Variants in ZW10 observed in about 807,000 individuals in gnomAD.
ZW10 encodes the protein centromere/kinetochore protein zw10 homolog.
ZW10 carries 53 observed loss-of-function variants against 87.8 expected under a neutral mutation model. The ratio of observed to expected loss-of-function variants is 0.60; its 90% confidence interval spans 0.48 to 0.76. The LOEUF is 0.76. Among genes scored for constraint, ZW10 ranks in the 30% least tolerant of loss-of-function variants. The pLI is 0.00. For missense variants in ZW10, 837 were observed against 923.0 expected (o/e 0.91, Z 1.21); for synonymous variants, 312 against 329.2 (o/e 0.95, Z 0.57).
At chr11:113,766,111 C>T (rs1459652179) in intron 2 of ZW10, among the ~76,000 whole-genome samples, 2 of 152,178 alleles carry the variant, frequency 1.3e-5, no homozygotes, top group Non-Finnish European at 2.9e-5. Flanking sequence ...TGACTCAAGC[C>T]TGTAATCCCA....
chr11:113,763,656 GT>G (rs930464402), intron 2 of ZW10, among the ~76,000 whole-genome samples: 8 of 152,160 alleles, frequency 5.3e-5, no homozygotes, highest in African/African-American at 1.7e-4. Context: ...CCGCATAAAT[GT>G]CTTCTTTTGA....
At chr11:113,745,606 T>C (rs932458192) in intron 9 of ZW10, among the ~76,000 whole-genome samples, 2 of 152,190 alleles carry the variant, frequency 1.3e-5, no homozygotes, top group South Asian at 2.1e-4. Flanking sequence ...TTATTTAAAA[T>C]GCTAATCTTT....
chr11:113,759,757 A>T (rs1953837063), intron 5 of ZW10, among the ~76,000 whole-genome samples: 1 of 152,066 alleles, frequency 6.6e-6, no homozygotes, highest in Non-Finnish European at 1.5e-5. Flanking sequence ...CCCCTCCTCT[A>T]CCCACAAGCC....
At chr11:113,747,790 T>C in intron 8 of ZW10, 77 bp from the exon 9 acceptor site, 6 of 1,263,830 alleles carry the variant, frequency 4.7e-6, no homozygotes, top group Non-Finnish European at 6.4e-6. Context: ...AAATCCAATG[T>C]ATAAAAAAAT....
At chr11:113,749,620 A>C (rs563935401) in intron 7 of ZW10, among the ~76,000 whole-genome samples, 2 of 152,366 alleles carry the variant, frequency 1.3e-5, no homozygotes, top group African/African-American at 4.8e-5. Context: ...ACTATACTGC[A>C]CTATATATTA....
chr11:113,738,924 T>C (rs1377398785), intron 12 of ZW10, among the ~76,000 whole-genome samples: 3 of 150,700 alleles, frequency 2.0e-5, no homozygotes, highest in Admixed American at 1.3e-4. Context: ...ATAAATCCTA[T>C]TATGTGAATC....
chr11:113,739,093 T>A, intron 12 of ZW10, 120 bp downstream of exon 12: 1 of 1,118,736 alleles, frequency 8.9e-7, no homozygotes, highest in Non-Finnish European at 1.3e-6. Flanking sequence ...GCCCTCCCAC[T>A]TTCTGATACA....
chr11:113,768,749 G>T, intron 2 of ZW10, 84 bp downstream of exon 2: 1 of 1,431,760 alleles, frequency 7.0e-7, no homozygotes, highest in Non-Finnish European at 9.5e-7. Context: ...GGTTTAAAAA[G>T]TTGTACACAA....
At chr11:113,773,336 C>T (rs1212544111) in intron 1 of ZW10, among the ~76,000 whole-genome samples, 1 of 152,030 alleles carries the variant, frequency 6.6e-6, no homozygotes, top group African/African-American at 2.4e-5. Flanking sequence ...TCCTCGCCTC[C>T]TCAGTTCCCA....
At chr11:113,741,019 G>A (rs1953610671) in intron 11 of ZW10, among the ~76,000 whole-genome samples, 2 of 151,808 alleles carry the variant, frequency 1.3e-5, no homozygotes. Context: ...AACTAATAAG[G>A]TTCACAATAA....
At chr11:113,761,417 C>G (rs1953858453) in intron 2 of ZW10, among the ~76,000 whole-genome samples, 1 of 152,106 alleles carries the variant, frequency 6.6e-6, no homozygotes, top group Non-Finnish European at 1.5e-5. Context: ...GTAGCCAGAA[C>G]TACAGGCACG....
intron 10 of ZW10, among the ~76,000 whole-genome samples, chr11:113,743,433 ATG>A (rs1461035129): frequency 1.3e-5 from 2 of 152,222 alleles, no homozygotes; most frequent in African/African-American, 4.8e-5. Flanking sequence ...AGTTCTTTGC[ATG>A]TGTTTTCTCA....
intron 7 of ZW10, among the ~76,000 whole-genome samples, chr11:113,754,678 G>C (rs184113644): frequency 6.6e-6 from 1 of 152,224 alleles, no homozygotes; most frequent in Non-Finnish European, 1.5e-5. Flanking sequence ...CGTGAACACA[G>C]CTCACTGCAG....
intron 7 of ZW10, among the ~76,000 whole-genome samples, chr11:113,749,085 T>A (rs1219963476): frequency 6.6e-6 from 1 of 152,022 alleles, no homozygotes; most frequent in Non-Finnish European, 1.5e-5. Flanking sequence ...CAGGGCACAG[T>A]GACAAAGCCA....
rs188039308 is a variant in ZW10 at position 113,757,141 on chromosome 11, G to T, written c.925+521C>A. ...AAAAAAGCAGTATTAAAACACAAGAGACTTCACTTTTAATGGTACAACAAC... is the reference window on the plus strand; with the variant it reads ...AAAAAAGCAGTATTAAAACACAAGATACTTCACTTTTAATGGTACAACAAC... On this transcript the variant is annotated intron_variant, in intron 7 of 15. Transcript: ENST00000200135. Among the ~76,000 whole-genome samples the T allele has an allele frequency of 8.7e-5, 13 of 149,862 alleles. No homozygotes were observed. The East Asian group carries it at 2.1e-3, about 25-fold the overall frequency.
chr11:113,768,750 T>G, intron 2 of ZW10, 83 bp downstream of exon 2: 2 of 1,436,324 alleles, frequency 1.4e-6, no homozygotes, highest in Non-Finnish European at 1.9e-6. Flanking sequence ...GTTTAAAAAG[T>G]TGTACACAAT....
rs746655676 is a variant in ZW10 at position 113,768,959 on chromosome 11, C to T, written c.114G>A (p.Val38=). ...TRRVEEIKGE[V]CNMISKKYSE... ...TGTACTTCTTGCTAATCATATTGCACACCTCACCCTAAAATATAAAACAGA... is the reference window on the plus strand; with the variant it reads ...TGTACTTCTTGCTAATCATATTGCATACCTCACCCTAAAATATAAAACAGA... Residue 38 remains valine, a synonymous_variant, in exon 2 of 16, where the codon GTG becomes GTA. Transcript: ENST00000200135. 1 of 1,613,990 alleles carries T rather than the reference C, an allele frequency of 6.2e-7. No individual in the cohort carries two copies.
chr11:113,746,253 T>G (rs1953675066), intron 9 of ZW10, among the ~76,000 whole-genome samples: 1 of 152,194 alleles, frequency 6.6e-6, no homozygotes, highest in South Asian at 2.1e-4. Context: ...AAACTCAGAT[T>G]ATCTAGTTCA....
chr11:113,762,295 C>G (rs970691056), intron 2 of ZW10, among the ~76,000 whole-genome samples: 11 of 152,096 alleles, frequency 7.2e-5, no homozygotes, highest in Non-Finnish European at 1.5e-5. Flanking sequence ...AATGGTACAC[C>G]TGTATAGGGC....
Sources: allele counts gnomAD v4.1 joint callset (sites outside exome capture counted in the v4.1 genomes callset), GRCh38; gene constraint gnomAD v4.1.1; transcripts MANE v1.5; gene names NCBI Gene and HGNC (gene_info 2026-07-23, HGNC 2026-07-21).